Variants in TMEM132D observed in about 807,000 individuals in gnomAD.
TMEM132D encodes transmembrane protein 132D.
A neutral mutation model predicts 62.3 loss-of-function variants in TMEM132D; 21 were observed. That is an observed-to-expected ratio of 0.34 (90% CI 0.24 to 0.49). The LOEUF (loss-of-function observed/expected upper bound fraction) is 0.49. Ranked by LOEUF, TMEM132D falls within the 20% of genes least tolerant of loss-of-function variation. The pLI, the probability that TMEM132D is intolerant of heterozygous loss-of-function variation, is 0.99. For missense variants in TMEM132D, 1,346 were observed against 1,402.8 expected, an observed-to-expected ratio of 0.96 and a Z score of 0.65; for synonymous variants, 621 against 575.6, an observed-to-expected ratio of 1.08 and a Z score of -1.13.
At position 129,429,743 on chromosome 12, in the gene TMEM132D, C is replaced by T. The variant is rs549614331; in HGVS notation, c.1116-91926G>A. ...ATGCTATCCCTCCCCCCTCCCCCGA[C>T]CCCACAACAGGCCCCGGTGTGTGAT... On this transcript the variant is annotated intron_variant, in intron 3 of 8. Transcript: ENST00000422113. 1.8e-4 allele frequency among the ~76,000 whole-genome samples: 22 copies of T among 120,844 alleles called. No individual in the cohort carries two copies. The East Asian group carries it at 6.6e-3, about 36-fold the overall frequency. The allele number at this position is 120,844 out of a possible 152,430, so 79.3% of individuals were successfully genotyped here.
chr12:129,356,507 G>A (rs1870053807), intron 3 of TMEM132D, among the ~76,000 whole-genome samples: 1 of 151,462 alleles, frequency 6.6e-6, no homozygotes, highest in South Asian at 2.1e-4. Flanking sequence ...AATGCTACAC[G>A]AAAGCTTCTG....
chr12:129,272,557 G>T (rs57408491), intron 4 of TMEM132D, among the ~76,000 whole-genome samples: 3,290 of 151,822 alleles, frequency 0.022, 215 homozygotes, highest in African/African-American at 0.075. Context: ...AAGAGTATTT[G>T]CATTTTTTAT....
chr12:129,592,867 G>T (rs945010113), intron 2 of TMEM132D, among the ~76,000 whole-genome samples: 1 of 152,132 alleles, frequency 6.6e-6, no homozygotes, highest in African/African-American at 2.4e-5. Context: ...GAAGACACAG[G>T]AAAGAGGACT....
intron 5 of TMEM132D, among the ~76,000 whole-genome samples, chr12:129,179,750 G>A (rs981499792): frequency 7.9e-5 from 12 of 152,070 alleles, no homozygotes; most frequent in Non-Finnish European, 1.2e-4. Flanking sequence ...GACACCGGCC[G>A]GGCCCGGTGG....
chr12:129,251,480 T>TA (rs1039270102), intron 4 of TMEM132D, among the ~76,000 whole-genome samples: 7 of 151,878 alleles, frequency 4.6e-5, no homozygotes, highest in Admixed American at 3.3e-4. Context: ...GAAGGATGGA[T>TA]AAAAAACTCT....
At chr12:129,440,166 G>T (rs1260693809) in intron 3 of TMEM132D, among the ~76,000 whole-genome samples, 2 of 152,172 alleles carry the variant, frequency 1.3e-5, no homozygotes, top group Non-Finnish European at 1.5e-5. Flanking sequence ...AGTCCAACAG[G>T]AAACAAAATG....
chr12:129,598,379 T>C (rs1484227809), intron 2 of TMEM132D, among the ~76,000 whole-genome samples: 1 of 152,220 alleles, frequency 6.6e-6, no homozygotes, highest in Non-Finnish European at 1.5e-5. Context: ...TGGACGTGAC[T>C]GACATCTGAA....
intron 5 of TMEM132D, among the ~76,000 whole-genome samples, chr12:129,199,615 G>C (rs1440367124): frequency 6.6e-6 from 1 of 152,136 alleles, no homozygotes; most frequent in Non-Finnish European, 1.5e-5. Flanking sequence ...ACCTGAGACT[G>C]GGTAATTTAT....
At chr12:129,795,594 T>C (rs1271851002) in intron 1 of TMEM132D, among the ~76,000 whole-genome samples, 1 of 152,206 alleles carries the variant, frequency 6.6e-6, no homozygotes, top group Admixed American at 6.5e-5. Flanking sequence ...TGCTGTAACA[T>C]ATAATGCCAG....
intron 4 of TMEM132D, among the ~76,000 whole-genome samples, chr12:129,270,132 T>C (rs1326013527): frequency 1.3e-5 from 2 of 152,230 alleles, no homozygotes; most frequent in Non-Finnish European, 2.9e-5. Flanking sequence ...TCCAGTGTCC[T>C]GTATGCAGAT....
At chr12:129,145,053 G>A (rs1483784002) in intron 5 of TMEM132D, among the ~76,000 whole-genome samples, 3 of 150,884 alleles carry the variant, frequency 2.0e-5, no homozygotes, top group Non-Finnish European at 1.5e-5. Flanking sequence ...TCTATATATG[G>A]AAACATATAT....
intron 5 of TMEM132D, among the ~76,000 whole-genome samples, chr12:129,198,192 G>T (rs1878600031): frequency 6.6e-6 from 1 of 152,120 alleles, no homozygotes; most frequent in South Asian, 2.1e-4. Context: ...TGTAGGCAAG[G>T]ATGTAACGAA....
chr12:129,106,005 T>C (rs1048457308), intron 5 of TMEM132D, among the ~76,000 whole-genome samples: 5 of 151,778 alleles, frequency 3.3e-5, no homozygotes, highest in Non-Finnish European at 5.9e-5. Flanking sequence ...TAGCAAAGAC[T>C]TGGAACCAAC....
intron 2 of TMEM132D, among the ~76,000 whole-genome samples, chr12:129,636,323 C>T (rs976080555): frequency 6.6e-6 from 1 of 152,186 alleles, no homozygotes; most frequent in African/African-American, 2.4e-5. Flanking sequence ...TGCTTTGGTT[C>T]CTTCCAAGGC....
chr12:129,146,611 AACACAC>A (rs1406764859), intron 5 of TMEM132D, among the ~76,000 whole-genome samples: 1 of 152,168 alleles, frequency 6.6e-6, no homozygotes, highest in Non-Finnish European at 1.5e-5. Context: ...GTCCAGACTC[AACACAC>A]ACTGTCATTT....
intron 4 of TMEM132D, among the ~76,000 whole-genome samples, chr12:129,276,033 G>T (rs1163413669): frequency 2.4e-5 from 1 of 41,712 alleles, no homozygotes; most frequent in African/African-American, 5.6e-5. Context: ...GGATGCACAG[G>T]TTTGTTTGTT....
chr12:129,297,137 C>T lies in TMEM132D; in HGVS notation c.1299+40497G>A, dbSNP rs966038791. ...GCAGGGAGACCCCCGTCTTTAGTGT[C>T]AGAGGAAAGTCCTCAGAGTCAATGT... On this transcript the variant is annotated intron_variant, in intron 4 of 8. Coordinates refer to ENST00000422113, the MANE Select transcript of TMEM132D (RefSeq NM_133448.3). Among the ~76,000 whole-genome samples the T allele has an allele frequency of 8.5e-4, 129 of 152,326 alleles. 1 individual carries two copies. Among genetic ancestry groups the T allele is most frequent in the African/African-American group, 3.0e-3 (126 of 41,586 alleles).
intron 3 of TMEM132D, among the ~76,000 whole-genome samples, chr12:129,338,936 T>G (rs1164422315): frequency 2.0e-5 from 3 of 150,924 alleles, no homozygotes; most frequent in African/African-American, 7.3e-5. Context: ...TCAGGGGAGA[T>G]TCTAATGAAC....
intron 1 of TMEM132D, among the ~76,000 whole-genome samples, chr12:129,709,399 A>C (rs1881585902): frequency 6.6e-6 from 1 of 152,254 alleles, no homozygotes; most frequent in Non-Finnish European, 1.5e-5. Context: ...ACTATTTATT[A>C]GAATAGACAA....
Sources: allele counts gnomAD v4.1 joint callset (sites outside exome capture counted in the v4.1 genomes callset), GRCh38; gene constraint gnomAD v4.1.1; transcripts MANE v1.5; gene names NCBI Gene and HGNC (gene_info 2026-07-23, HGNC 2026-07-21).